The following MYO1H variants were observed in gnomAD, a reference collection of about 807,000 sequenced individuals.
MYO1H encodes myosin IH, also known as unconventional myosin-Ih.
MYO1H carries 118 observed loss-of-function variants against 149.3 expected under a neutral mutation model. The observed-to-expected ratio is 0.79, with a 90% CI of 0.68 to 0.92. The LOEUF is 0.92. Among genes scored for constraint, MYO1H ranks in the 40% least tolerant of loss-of-function variants. MYO1H has a pLI of 0.00. For missense variants in MYO1H, 1,212 were observed against 1,280.7 expected (o/e 0.95, Z 0.82); for synonymous variants, 447 against 465.2 (o/e 0.96, Z 0.50).
chr12:109,374,291 C>G (rs1869047889), intron 1 of MYO1H, among the ~76,000 whole-genome samples: 1 of 152,148 alleles, frequency 6.6e-6, no homozygotes, highest in Admixed American at 6.6e-5. Context: ...GTGTCCATCT[C>G]AGTTGACATG....
At chr12:109,316,504 A>C in the MYO1H span, among the ~76,000 whole-genome samples, 1 of 152,190 alleles carries the variant, frequency 6.6e-6, no homozygotes, top group Non-Finnish European at 1.5e-5. Context: ...GTTCCAATAT[A>C]GCACTCCCCA....
intron 1 of MYO1H, among the ~76,000 whole-genome samples, chr12:109,356,905 A>G (rs1397283787): frequency 6.6e-6 from 1 of 152,204 alleles, no homozygotes; most frequent in East Asian, 1.9e-4. Flanking sequence ...AAAACTTGCA[A>G]TATTATCATT....
At position 109,401,159 on chromosome 12, in the gene MYO1H, G is replaced by A. The variant is rs867523513; in HGVS notation, c.637G>A (p.Glu213Lys). 35 of 1,613,718 alleles carry A rather than the reference G, an allele frequency of 2.2e-5. No individual in the cohort carries two copies. The highest frequency in any genetic ancestry group is 2.7e-5 in the African/African-American group (2 of 74,882). Residue 213 changes from glutamate (E) to lysine (K), a missense_variant, in exon 6 of 32, where the codon GAA (glutamate) becomes AAA (lysine). By Grantham distance (56) the Glu-to-Lys change is moderately conservative. Transcript: ENST00000310903. The stretch of plus-strand genomic sequence containing the variant: ...GAAGTCCCGAGTTGTCTACCAAAAC[G>A]AAGGCGAGCGGAATTTCCACATCTT...
the MYO1H span, among the ~76,000 whole-genome samples, chr12:109,311,052 T>G: frequency 7.2e-5 from 11 of 152,270 alleles, no homozygotes; most frequent in African/African-American, 2.7e-4. Flanking sequence ...TTCTTGGAGT[T>G]GTAAGGAAAC....
intron 1 of MYO1H, among the ~76,000 whole-genome samples, chr12:109,382,364 G>T (rs1869220756): frequency 6.6e-6 from 1 of 152,124 alleles, no homozygotes; most frequent in South Asian, 2.1e-4. Flanking sequence ...AAGACAGATT[G>T]TCCAATTTTC....
At chr12:109,424,684 T>C in intron 16 of MYO1H, 64 bp from the exon 17 acceptor site, 1 of 1,324,426 alleles carries the variant, frequency 7.6e-7, no homozygotes, top group Admixed American at 1.8e-5. Flanking sequence ...CTGTGAGCCG[T>C]CCTGACAGCC....
intron 18 of MYO1H, 91 bp from the exon 19 acceptor site, chr12:109,427,378 A>G (rs1871393546): frequency 1.3e-6 from 1 of 787,544 alleles, no homozygotes; most frequent in Non-Finnish European, 2.2e-6. Flanking sequence ...GACCCAGCCC[A>G]CTGAACTTCA....
intron 27 of MYO1H, among the ~76,000 whole-genome samples, chr12:109,442,863 T>G (rs1872206379): frequency 6.8e-6 from 1 of 147,554 alleles, no homozygotes; most frequent in Non-Finnish European, 1.5e-5. Context: ...TGGATTACAC[T>G]GTGGCTGTGA....
At chr12:109,378,202 G>C (rs773784561) in intron 1 of MYO1H, among the ~76,000 whole-genome samples, 2 of 152,190 alleles carry the variant, frequency 1.3e-5, no homozygotes, top group African/African-American at 4.8e-5. Flanking sequence ...CTCTTGGGTA[G>C]ATACCTAAGA....
the MYO1H span, among the ~76,000 whole-genome samples, chr12:109,340,210 C>G: frequency 6.6e-6 from 1 of 152,104 alleles, no homozygotes; most frequent in Non-Finnish European, 1.5e-5. Context: ...GAATCTTGCT[C>G]TGTTGCCCAG....
intron 1 of MYO1H, among the ~76,000 whole-genome samples, chr12:109,353,715 C>T (rs559537790): frequency 5.9e-5 from 9 of 152,110 alleles, no homozygotes; most frequent in African/African-American, 1.7e-4. Flanking sequence ...GCAGTGGCAC[C>T]ATCTCGGCTC....
At chr12:109,403,167 G>A (rs924069391) in intron 6 of MYO1H, among the ~76,000 whole-genome samples, 2 of 152,190 alleles carry the variant, frequency 1.3e-5, no homozygotes, top group African/African-American at 4.8e-5. Flanking sequence ...GTGCGGGAAG[G>A]TTTGTGAGGC....
chr12:109,417,732 G>A (rs1046276622), intron 15 of MYO1H, among the ~76,000 whole-genome samples: 7 of 152,282 alleles, frequency 4.6e-5, no homozygotes, highest in South Asian at 2.1e-4. Flanking sequence ...ATGTTTTCAC[G>A]TGCTTATTGG....
intron 1 of MYO1H, among the ~76,000 whole-genome samples, chr12:109,383,627 AAAG>A (rs1456870460): frequency 1.3e-5 from 2 of 152,214 alleles, no homozygotes; most frequent in African/African-American, 4.8e-5. Context: ...TTGCAGTATC[AAAG>A]AAGTTCTAAT....
the MYO1H span, among the ~76,000 whole-genome samples, chr12:109,322,822 A>G: frequency 6.9e-4 from 83 of 120,118 alleles, no homozygotes; most frequent in African/African-American, 2.9e-3. Context: ...TCCGTCTCAA[A>G]AAAAAAAAAA....
At chr12:109,410,814 C>T (rs1389240867) in intron 13 of MYO1H, 46 bp downstream of exon 13, 6 of 1,285,612 alleles carry the variant, frequency 4.7e-6, no homozygotes, top group Non-Finnish European at 4.4e-6. Flanking sequence ...CCGGCACTTA[C>T]AACTCTTGGA....
chr12:109,368,534 T>C lies in MYO1H; in HGVS notation c.13-20149T>C, dbSNP rs1868915550. Among the ~76,000 whole-genome samples the C allele has an allele frequency of 1.3e-5, 2 of 151,134 alleles. 1 individual carries two copies. The highest frequency in any genetic ancestry group is 4.2e-4 in the South Asian group (2 of 4,774). On this transcript the variant is annotated intron_variant, in intron 1 of 31. Coordinates refer to ENST00000310903, the Ensembl canonical transcript of MYO1H. ...AGCCAGGTGCAGTGGCACACACCTT[T>C]AATCCCAGCTACTCGGGAGGCTGAG...
At chr12:109,421,473 C>T (rs1048621031) in intron 16 of MYO1H, among the ~76,000 whole-genome samples, 1 of 152,066 alleles carries the variant, frequency 6.6e-6, no homozygotes, top group Non-Finnish European at 1.5e-5. Context: ...TGAGCTAAAA[C>T]CTGAATGAGA....
chr12:109,355,986 C>T (rs141375607), intron 1 of MYO1H, among the ~76,000 whole-genome samples: 5 of 151,916 alleles, frequency 3.3e-5, no homozygotes, highest in Non-Finnish European at 4.4e-5. Flanking sequence ...TCAAAGTGCT[C>T]GGATTACAGG....
Sources: allele counts gnomAD v4.1 joint callset (sites outside exome capture counted in the v4.1 genomes callset), GRCh38; gene constraint gnomAD v4.1.1; transcripts MANE v1.5; gene names NCBI Gene and HGNC (gene_info 2026-07-23, HGNC 2026-07-21).